KCNQ5: variants seen among roughly 807,000 people sequenced by gnomAD.
The protein encoded by KCNQ5 is potassium voltage-gated channel subfamily Q member 5.
A neutral mutation model predicts 98.2 loss-of-function variants in KCNQ5; 30 were observed. That is an observed-to-expected ratio of 0.31 (90% CI 0.23 to 0.41). The LOEUF is 0.41. Ranked by LOEUF, KCNQ5 falls within the 10% of genes least tolerant of loss-of-function variation. The pLI is 1.00. For synonymous variants in KCNQ5, 458 were observed against 449.4 expected (o/e 1.02, Z -0.24); for missense variants, 835 against 1,182.5 (o/e 0.71, Z 4.31).
intron 5 of KCNQ5, among the ~76,000 whole-genome samples, chr6:73,094,417 T>C (rs1016915735): frequency 3.2e-4 from 49 of 152,186 alleles, no homozygotes; most frequent in African/African-American, 1.2e-3. Context: ...TATTGAGATG[T>C]GAGGTACCAT....
intron 1 of KCNQ5, among the ~76,000 whole-genome samples, chr6:72,697,263 T>G (rs896374699): frequency 2.6e-5 from 4 of 152,200 alleles, no homozygotes; most frequent in African/African-American, 4.8e-5. Flanking sequence ...CCATGTTCAT[T>G]TATCCTAATC....
At chr6:72,864,992 T>A (rs1275393140) in intron 1 of KCNQ5, among the ~76,000 whole-genome samples, 3 of 152,208 alleles carry the variant, frequency 2.0e-5, no homozygotes, top group Non-Finnish European at 4.4e-5. Flanking sequence ...AGTTCATGTC[T>A]TTCATCCAGG....
chr6:72,839,081 AT>A (rs557863522), intron 1 of KCNQ5, among the ~76,000 whole-genome samples: 1 of 151,798 alleles, frequency 6.6e-6, no homozygotes, highest in African/African-American at 2.4e-5. Flanking sequence ...ATATAAAATG[AT>A]TTTTTTCATG....
At chr6:73,094,354 A>G (rs6453628) in intron 5 of KCNQ5, among the ~76,000 whole-genome samples, 133,804 of 152,200 alleles carry the variant, frequency 0.88, 59,350 homozygotes, top group South Asian at 0.96. Context: ...TATCAATTCT[A>G]CAATTCTATA....
chr6:72,655,022 GTCT>G (rs1565060039), intron 1 of KCNQ5, among the ~76,000 whole-genome samples: 9,272 of 118,948 alleles, frequency 0.078, 612 homozygotes, highest in African/African-American at 0.14. Context: ...GCCAAGGTCT[GTCT>G]GTCTTTCTTT....
intron 1 of KCNQ5, among the ~76,000 whole-genome samples, chr6:72,750,424 G>T (rs1025877253): frequency 1.3e-5 from 2 of 151,974 alleles, no homozygotes; most frequent in African/African-American, 4.8e-5. Context: ...GTTTACTTGG[G>T]TAAGATAACC....
At chr6:72,982,140 G>T (rs544652253) in intron 1 of KCNQ5, among the ~76,000 whole-genome samples, 3 of 152,190 alleles carry the variant, frequency 2.0e-5, no homozygotes, top group Non-Finnish European at 4.4e-5. Context: ...TGTTGATTTG[G>T]GTTGGAAAGT....
chr6:73,157,620 A>G lies in KCNQ5; in HGVS notation c.1469-12126A>G, dbSNP rs1582460665. On this transcript the variant is annotated intron_variant, in intron 10 of 13. Transcript: ENST00000370398. ...GCGGCAACGGTAGTGGCAGCTGGGT[A>G]GGTGAACGCAGCATGGGTGATGGCT... 3.9e-6 allele frequency: 3 copies of G among 773,248 alleles called. No individual in the cohort carries two copies. In the South Asian group the frequency reaches 4.1e-5, roughly 10 times the overall value. The allele number at this position is 773,248 out of a possible 1,614,324, so 47.9% of individuals were successfully genotyped here.
At chr6:72,938,063 T>C (rs1766029053) in intron 1 of KCNQ5, among the ~76,000 whole-genome samples, 1 of 152,218 alleles carries the variant, frequency 6.6e-6, no homozygotes, top group Admixed American at 6.5e-5. Flanking sequence ...TGAAATGAGA[T>C]GATGCCAGAT....
At chr6:73,041,902 GCTT>G in intron 2 of KCNQ5, 31 bp from the exon 3 acceptor site, 1 of 1,613,090 alleles carries the variant, frequency 6.2e-7, no homozygotes, top group African/African-American at 1.3e-5. Context: ...GCTCCATAAT[GCTT>G]CTCTCTGATA....
intron 1 of KCNQ5, among the ~76,000 whole-genome samples, chr6:72,757,715 G>C (rs1772042561): frequency 1.3e-5 from 2 of 152,032 alleles, no homozygotes; most frequent in Admixed American, 1.3e-4. Context: ...TTAAGTCAGG[G>C]ACCATCTCTA....
chr6:73,053,944 A>G (rs1300499767), intron 3 of KCNQ5, among the ~76,000 whole-genome samples: 1 of 152,076 alleles, frequency 6.6e-6, no homozygotes, highest in Non-Finnish European at 1.5e-5. Flanking sequence ...GATAGATAAA[A>G]TGCTAGCTAG....
intron 1 of KCNQ5, among the ~76,000 whole-genome samples, chr6:72,894,570 A>G (rs1779173043): frequency 6.6e-6 from 1 of 152,162 alleles, no homozygotes; most frequent in Non-Finnish European, 1.5e-5. Flanking sequence ...AAGAAAATTA[A>G]TTTCCCTCTG....
At chr6:72,677,411 G>T (rs886185837) in intron 1 of KCNQ5, among the ~76,000 whole-genome samples, 9 of 152,124 alleles carry the variant, frequency 5.9e-5, no homozygotes, top group African/African-American at 2.2e-4. Flanking sequence ...CAGGGATCTT[G>T]CAGTAAAGAT....
At chr6:72,782,042 A>T (rs568028018) in intron 1 of KCNQ5, among the ~76,000 whole-genome samples, 21 of 149,634 alleles carry the variant, frequency 1.4e-4, no homozygotes, top group Non-Finnish European at 2.4e-4. Context: ...ATTGACTTTA[A>T]CCCTACATCA....
At chr6:73,091,230 C>A (rs539755197) in intron 5 of KCNQ5, among the ~76,000 whole-genome samples, 1 of 152,074 alleles carries the variant, frequency 6.6e-6, no homozygotes, top group African/African-American at 2.4e-5. Context: ...GAAGAGAAAA[C>A]CAAACACCAC....
At chr6:73,049,839 C>G (rs886258804) in intron 3 of KCNQ5, among the ~76,000 whole-genome samples, 4 of 152,020 alleles carry the variant, frequency 2.6e-5, no homozygotes, top group Admixed American at 2.6e-4. Context: ...TGATATGATT[C>G]GATTCCTGTC....
chr6:72,800,593 T>G (rs1469429460), intron 1 of KCNQ5, among the ~76,000 whole-genome samples: 1 of 152,190 alleles, frequency 6.6e-6, no homozygotes, highest in African/African-American at 2.4e-5. Flanking sequence ...GATTCATTAA[T>G]TTTTTGAAGG....
chr6:73,124,667 A>G, intron 9 of KCNQ5, 155 bp downstream of exon 9: 2 of 711,502 alleles, frequency 2.8e-6, no homozygotes, highest in Non-Finnish European at 5.0e-6. Context: ...TATTTTATTG[A>G]TATTTCGCCC....
Sources: gnomAD v4.1 joint callset for allele counts (sites outside exome capture counted in the v4.1 genomes callset) on GRCh38, gnomAD v4.1.1 for gene constraint, MANE v1.5 for transcripts, NCBI Gene and HGNC (gene_info 2026-07-23, HGNC 2026-07-21) for gene names.